The following STARD13 variants were observed in gnomAD, a reference collection of about 807,000 sequenced individuals.
STARD13 encodes the protein StAR related lipid transfer domain containing 13.
Under a neutral mutation model 106.4 loss-of-function variants are expected in STARD13, and 62 were observed. That is an observed-to-expected ratio of 0.58 (90% CI 0.48 to 0.72). STARD13 has a LOEUF of 0.72. Ranked by LOEUF, STARD13 falls within the 30% of genes least tolerant of loss-of-function variation. The pLI is 0.00. For missense variants in STARD13, 1,387 were observed against 1,424.0 expected, an observed-to-expected ratio of 0.97 and a Z score of 0.42; for synonymous variants, 565 against 553.0, an observed-to-expected ratio of 1.02 and a Z score of -0.31.
intron 1 of STARD13, among the ~76,000 whole-genome samples, chr13:33,211,711 C>G (rs759918884): frequency 6.6e-6 from 1 of 152,066 alleles, no homozygotes; most frequent in African/African-American, 2.4e-5. Context: ...GAAGTCTGTA[C>G]ATGTTCAATA....
chr13:33,234,556 C>G (rs891047652), intron 1 of STARD13, among the ~76,000 whole-genome samples: 12 of 152,192 alleles, frequency 7.9e-5, no homozygotes, highest in African/African-American at 2.9e-4. Context: ...TGAAAATTAA[C>G]TATGAAGTTT....
the STARD13 span, among the ~76,000 whole-genome samples, chr13:33,431,224 C>G: frequency 6.6e-6 from 1 of 151,798 alleles, no homozygotes; most frequent in African/African-American, 2.4e-5. Context: ...GATAAAACAT[C>G]GTTTAATAAA....
intron 5 of STARD13, 85 bp from the exon 6 acceptor site, chr13:33,127,631 C>T: frequency 7.4e-7 from 1 of 1,358,818 alleles, no homozygotes; most frequent in South Asian, 1.4e-5. Context: ...GTACACGCAG[C>T]TAATCAAGAT....
At chr13:33,600,385 T>C in the STARD13 span, among the ~76,000 whole-genome samples, 3 of 152,236 alleles carry the variant, frequency 2.0e-5, no homozygotes, top group South Asian at 4.1e-4. Context: ...TGGTAATCCA[T>C]GTATTTAATT....
intron 1 of STARD13, among the ~76,000 whole-genome samples, chr13:33,207,744 G>T (rs911091690): frequency 1.8e-4 from 27 of 152,196 alleles, no homozygotes; most frequent in Non-Finnish European, 2.5e-4. Context: ...CACATGGATT[G>T]TTGGGTCAAT....
At chr13:33,271,043 C>A (rs944925794) in intron 1 of STARD13, among the ~76,000 whole-genome samples, 1 of 152,162 alleles carries the variant, frequency 6.6e-6, no homozygotes, top group Non-Finnish European at 1.5e-5. Flanking sequence ...TATTTTTGAT[C>A]CTGTTTTGCT....
At chr13:33,659,236 T>TA in the STARD13 span, among the ~76,000 whole-genome samples, 4 of 138,562 alleles carry the variant, frequency 2.9e-5, no homozygotes, top group Admixed American at 7.4e-5. Context: ...TTTTTTTTTT[T>TA]ATGAAGTCTT....
chr13:33,230,027 G>A lies in STARD13; in HGVS notation c.169+55443C>T, dbSNP rs571588001. On this transcript the variant is annotated intron_variant, in intron 1 of 13. Transcript: ENST00000336934. Reference sequence around the variant, plus strand: ...ATTGGAGAGAAGAGCAGTTGCCTGAGGCATTTCAAAGACAAGCAAGAACAC... The same window carrying A: ...ATTGGAGAGAAGAGCAGTTGCCTGAAGCATTTCAAAGACAAGCAAGAACAC... Among the ~76,000 whole-genome samples, 7 of 152,326 alleles carry A rather than the reference G, an allele frequency of 4.6e-5. No homozygotes were observed. In the East Asian group the frequency reaches 9.6e-4, roughly 21 times the overall value.
At chr13:33,642,962 C>A in the STARD13 span, among the ~76,000 whole-genome samples, 2 of 151,964 alleles carry the variant, frequency 1.3e-5, no homozygotes. Context: ...AGAGTTTCCA[C>A]ACAATAAATA....
chr13:33,653,011 T>A, the STARD13 span, among the ~76,000 whole-genome samples: 2 of 152,058 alleles, frequency 1.3e-5, no homozygotes, highest in Admixed American at 6.6e-5. Context: ...AAAACATCAC[T>A]AAAAGAGATT....
the STARD13 span, among the ~76,000 whole-genome samples, chr13:33,516,181 T>C: frequency 6.8e-6 from 1 of 147,884 alleles, no homozygotes; most frequent in East Asian, 2.0e-4. Flanking sequence ...ATAATTCATA[T>C]ATATGAATTA....
chr13:33,430,000 C>T, the STARD13 span, among the ~76,000 whole-genome samples: 2 of 151,614 alleles, frequency 1.3e-5, no homozygotes, highest in Non-Finnish European at 2.9e-5. Flanking sequence ...TCACTGCAAG[C>T]TCCGCCTCCC....
chr13:33,598,377 G>T, the STARD13 span, among the ~76,000 whole-genome samples: 1 of 152,152 alleles, frequency 6.6e-6, no homozygotes, highest in Non-Finnish European at 1.5e-5. Context: ...TCATGGTTGT[G>T]CTCTTAGGCT....
chr13:33,479,554 C>T, the STARD13 span, among the ~76,000 whole-genome samples: 2 of 152,150 alleles, frequency 1.3e-5, no homozygotes, highest in Non-Finnish European at 2.9e-5. Context: ...AAGAAATAAA[C>T]GTTCCTGAAC....
chr13:33,269,943 A>G (rs1457017316), intron 1 of STARD13, among the ~76,000 whole-genome samples: 2 of 152,196 alleles, frequency 1.3e-5, no homozygotes, highest in African/African-American at 4.8e-5. Context: ...AACCGAATAA[A>G]AACAAAACAA....
the STARD13 span, among the ~76,000 whole-genome samples, chr13:33,367,541 C>T: frequency 6.6e-5 from 10 of 152,102 alleles, no homozygotes; most frequent in African/African-American, 2.4e-4. Context: ...GTAAAAACAA[C>T]AATAAAACAT....
chr13:33,567,724 C>T, the STARD13 span, among the ~76,000 whole-genome samples: 3 of 147,962 alleles, frequency 2.0e-5, 1 homozygote, highest in African/African-American at 7.4e-5. Flanking sequence ...ATGAAATTCA[C>T]TCTGGAATAT....
the STARD13 span, among the ~76,000 whole-genome samples, chr13:33,494,369 G>C: frequency 6.6e-6 from 1 of 150,974 alleles, no homozygotes; most frequent in Non-Finnish European, 1.5e-5. Flanking sequence ...CAGGAGAGCC[G>C]TGATTTTATT....
chr13:33,373,509 G>GA, the STARD13 span, among the ~76,000 whole-genome samples: 2 of 151,834 alleles, frequency 1.3e-5, no homozygotes, highest in Non-Finnish European at 2.9e-5. Context: ...ACACTGCAGA[G>GA]AAAAAACGCC....
Sources: gnomAD v4.1 joint callset for allele counts (sites outside exome capture counted in the v4.1 genomes callset) on GRCh38, gnomAD v4.1.1 for gene constraint, MANE v1.5 for transcripts, NCBI Gene and HGNC (gene_info 2026-07-23, HGNC 2026-07-21) for gene names.